Variants in CTIF observed in about 807,000 individuals in gnomAD.
CTIF encodes CBP80/20-dependent translation initiation factor.
In CTIF, 21 loss-of-function variants were observed where a neutral mutation model predicts 66.0. The ratio of observed to expected loss-of-function variants is 0.32; its 90% CI spans 0.23 to 0.46. CTIF has a LOEUF of 0.46. CTIF is among the 20% of genes least tolerant of loss of function. The pLI is 1.00. For missense variants in CTIF, 739 were observed against 812.7 expected (o/e 0.91, Z 1.10); for synonymous variants, 345 against 326.4 (o/e 1.06, Z -0.62).
chr18:48,547,760 T>C (rs1441075435), intron 1 of CTIF, among the ~76,000 whole-genome samples: 1 of 152,194 alleles, frequency 6.6e-6, no homozygotes, highest in Non-Finnish European at 1.5e-5. Context: ...ACTTCTGTCC[T>C]AACTTACTTC....
intron 1 of CTIF, among the ~76,000 whole-genome samples, chr18:48,553,741 C>T (rs1265497670): frequency 1.3e-5 from 2 of 151,516 alleles, no homozygotes; most frequent in African/African-American, 2.4e-5. Flanking sequence ...CTGCAAGCTC[C>T]GCCTCCCGGG....
rs58084631 is a variant in CTIF, at chr18:48,568,633, T to TAAAAAAAAAAAAA, written c.-29+29344_-29+29356dup. Among the ~76,000 whole-genome samples, 67 of 36,642 alleles carry TAAAAAAAAAAAAA rather than the reference T, an allele frequency of 1.8e-3. 13 individuals carry two copies. The highest frequency in any genetic ancestry group is 3.3e-3 in the Non-Finnish European group (54 of 16,558). 24.0% of individuals were successfully genotyped at this position (36,642 alleles called of 152,430 possible). On this transcript the variant is annotated intron_variant, in intron 1 of 11. Coordinates refer to ENST00000256413, the MANE Select transcript of CTIF (RefSeq NM_014772.3). ...GAAATACCTGAGACTGGGCAATTTG[T>TAAAAAAAAAAAAA]AAAAAAAAAAAAAAAAAAAAAAAAA...
chr18:48,582,064 G>C (rs957721592), intron 1 of CTIF, among the ~76,000 whole-genome samples: 6 of 152,004 alleles, frequency 3.9e-5, no homozygotes, highest in African/African-American at 1.5e-4. Flanking sequence ...GTGCGATTTG[G>C]TGTCTGAGGG....
intron 6 of CTIF, among the ~76,000 whole-genome samples, chr18:48,706,921 G>A (rs189967504): frequency 1.2e-4 from 19 of 152,360 alleles, no homozygotes; most frequent in Non-Finnish European, 1.9e-4. Flanking sequence ...TCAGATGTTA[G>A]ACAGACAGGG....
chr18:48,677,904 G>A (rs2091660771), intron 6 of CTIF, among the ~76,000 whole-genome samples: 1 of 152,190 alleles, frequency 6.6e-6, no homozygotes, highest in Admixed American at 6.5e-5. Context: ...TGTCTGAGCT[G>A]CGGGCTGCAT....
intron 5 of CTIF, among the ~76,000 whole-genome samples, chr18:48,666,324 G>T (rs753247776): frequency 1.3e-5 from 2 of 152,054 alleles, no homozygotes; most frequent in Non-Finnish European, 1.5e-5. Context: ...GGCAACATTG[G>T]TCCCATCATA....
chr18:48,788,972 T>A (rs192243073), intron 9 of CTIF, among the ~76,000 whole-genome samples: 1 of 152,274 alleles, frequency 6.6e-6, no homozygotes, highest in Non-Finnish European at 1.5e-5. Flanking sequence ...CTCTTAGGCC[T>A]GGGAGACCCT....
chr18:48,850,773 G>A (rs1157953749), intron 10 of CTIF, among the ~76,000 whole-genome samples: 2 of 152,198 alleles, frequency 1.3e-5, no homozygotes, highest in African/African-American at 4.8e-5. Flanking sequence ...GCCTTCAGCT[G>A]TGTGCCCCAT....
intron 10 of CTIF, among the ~76,000 whole-genome samples, chr18:48,818,590 GAT>G (rs201944733): frequency 0.011 from 1,662 of 152,166 alleles, 17 homozygotes; most frequent in Middle Eastern, 0.02. Context: ...GGGAAGTATC[GAT>G]ATGCACCTGG....
At chr18:48,668,388 C>T (rs543339945) in intron 5 of CTIF, among the ~76,000 whole-genome samples, 4 of 152,332 alleles carry the variant, frequency 2.6e-5, no homozygotes, top group East Asian at 3.9e-4. Flanking sequence ...GAAGACTACA[C>T]GCAGTTGGTG....
At chr18:48,714,302 GT>G (rs2145506587) in intron 7 of CTIF, among the ~76,000 whole-genome samples, 1 of 152,308 alleles carries the variant, frequency 6.6e-6, no homozygotes, top group African/African-American at 2.4e-5. Context: ...GGCACGCATG[GT>G]GGCAAAGGGA....
At chr18:48,653,441 GA>G (rs2091193346) in intron 3 of CTIF, among the ~76,000 whole-genome samples, 1 of 152,120 alleles carries the variant, frequency 6.6e-6, no homozygotes, top group Non-Finnish European at 1.5e-5. Context: ...CCTCTTCAAG[GA>G]GAACTACAAA....
chr18:48,644,556 C>T (rs2090991465), intron 3 of CTIF, among the ~76,000 whole-genome samples: 1 of 152,232 alleles, frequency 6.6e-6, no homozygotes, highest in Non-Finnish European at 1.5e-5. Flanking sequence ...CTGGCTCCAG[C>T]TCACTTGGAG....
At chr18:48,562,969 G>C (rs186334724) in intron 1 of CTIF, among the ~76,000 whole-genome samples, 1 of 152,234 alleles carries the variant, frequency 6.6e-6, no homozygotes, top group Non-Finnish European at 1.5e-5. Context: ...ACACTGAAAA[G>C]ATATTGACGC....
intron 3 of CTIF, among the ~76,000 whole-genome samples, chr18:48,659,323 G>T (rs894622600): frequency 2.0e-5 from 3 of 152,124 alleles, no homozygotes; most frequent in African/African-American, 4.8e-5. Context: ...TCTCCTTCCT[G>T]ATATTCAGAC....
At chr18:48,644,283 A>C (rs1038286163) in intron 3 of CTIF, among the ~76,000 whole-genome samples, 1 of 152,128 alleles carries the variant, frequency 6.6e-6, no homozygotes, top group Non-Finnish European at 1.5e-5. Flanking sequence ...GGGCACTGGG[A>C]TGGTGAGGAA....
At chr18:48,618,662 C>T (rs893303948) in intron 1 of CTIF, among the ~76,000 whole-genome samples, 1 of 152,104 alleles carries the variant, frequency 6.6e-6, no homozygotes, top group African/African-American at 2.4e-5. Flanking sequence ...AGGGCGGTGG[C>T]GGTGAGGTCC....
intron 1 of CTIF, among the ~76,000 whole-genome samples, chr18:48,608,687 C>T (rs2090251962): frequency 6.6e-6 from 1 of 152,228 alleles, no homozygotes; most frequent in South Asian, 2.1e-4. Flanking sequence ...ACCACCTGGA[C>T]AGGCCTGCAA....
intron 6 of CTIF, among the ~76,000 whole-genome samples, chr18:48,685,288 C>T (rs1012262000): frequency 1.3e-5 from 2 of 151,852 alleles, no homozygotes. Context: ...AATGGTGCGA[C>T]CTCGGCTCAC....
Sources: gnomAD v4.1 joint callset for allele counts (sites outside exome capture counted in the v4.1 genomes callset) on GRCh38, gnomAD v4.1.1 for gene constraint, MANE v1.5 for transcripts, NCBI Gene and HGNC (gene_info 2026-07-23, HGNC 2026-07-21) for gene names.